Variants in ITPRID1 observed in about 807,000 individuals in gnomAD.
ITPRID1 encodes protein ITPRID1.
Under a neutral mutation model 95.4 loss-of-function variants are expected in ITPRID1, and 96 were observed. That is an observed-to-expected ratio of 1.01 (90% CI 0.85 to 1.19). The LOEUF (loss-of-function observed/expected upper bound fraction) is 1.19. ITPRID1 is among the 50% of genes most tolerant of loss of function. ITPRID1 has a pLI of 0.00. For synonymous variants in ITPRID1, 510 were observed against 453.6 expected (o/e 1.12, Z -1.58); for missense variants, 1,339 against 1,252.9 (o/e 1.07, Z -1.04).
At chr7:31,587,937 A>G (rs1785690231) in intron 10 of ITPRID1, among the ~76,000 whole-genome samples, 1 of 152,164 alleles carries the variant, frequency 6.6e-6, no homozygotes. Context: ...GGCTAGCCAT[A>G]TGTAGAAAGC....
At chr7:31,557,792 G>T (rs1234044248) in intron 5 of ITPRID1, among the ~76,000 whole-genome samples, 1 of 152,120 alleles carries the variant, frequency 6.6e-6, no homozygotes, top group Non-Finnish European at 1.5e-5. Flanking sequence ...GTAGGTATTG[G>T]AGTTGAGATT....
chr7:31,557,189 G>C (rs1784476052), intron 5 of ITPRID1, among the ~76,000 whole-genome samples: 1 of 152,058 alleles, frequency 6.6e-6, no homozygotes, highest in Non-Finnish European at 1.5e-5. Context: ...TGAGATTCCA[G>C]GTGGACATGA....
intron 10 of ITPRID1, among the ~76,000 whole-genome samples, chr7:31,617,266 A>AAAATGACAGAT (rs1611054): frequency 6.6e-6 from 1 of 152,078 alleles, no homozygotes; most frequent in Non-Finnish European, 1.5e-5. Context: ...CAACAATTTA[A>AAAATGACAGAT]CTTTGCAAAG....
chr7:31,575,534 A>G (rs114959884), intron 8 of ITPRID1, among the ~76,000 whole-genome samples: 1,959 of 152,250 alleles, frequency 0.013, 41 homozygotes, highest in African/African-American at 0.044. Flanking sequence ...TAATAGGTTT[A>G]TTTACTGCAG....
chr7:31,606,082 A>T lies in ITPRID1; in HGVS notation c.1228+22891A>T, dbSNP rs546189814. On this transcript the variant is annotated intron_variant, in intron 10 of 14. Coordinates refer to ENST00000615280, the MANE Select transcript of ITPRID1 (RefSeq NM_001257967.3). ...TATTCTATGTTCATTAAATTTCATT[A>T]AAATGTATAGAGTTGGTCTAAGGGA... Among the ~76,000 whole-genome samples the T allele has an allele frequency of 5.9e-5, 9 of 152,234 alleles. No homozygotes were observed. In the East Asian group the frequency reaches 1.7e-3, roughly 29 times the overall value.
intron 6 of ITPRID1, 61 bp downstream of exon 6, chr7:31,569,870 A>C (rs1226785718): frequency 7.1e-7 from 1 of 1,399,318 alleles, no homozygotes; most frequent in African/African-American, 1.4e-5. Context: ...TTTGCTGAAT[A>C]AAATAGAAGT....
Position 31,574,758 on chromosome 7 carries a change from G to A in ITPRID1, c.598+16G>A, listed in dbSNP as rs1785120156. On this transcript the variant is annotated intron_variant, in intron 8 of 14. Transcript: ENST00000615280. ...AACTTGTACGGTAAGCGAGGTGCCT[G>A]TGGCATTCGCATCTCAGCATTGGGA... is the stretch of plus-strand genomic sequence containing the variant. 1.2e-6 allele frequency: 2 copies of A among 1,612,354 alleles called. No individual in the cohort carries two copies. The highest frequency in any genetic ancestry group is 8.5e-7 in the Non-Finnish European group (1 of 1,178,776).
intron 10 of ITPRID1, among the ~76,000 whole-genome samples, chr7:31,591,557 A>G (rs916674931): frequency 1.3e-5 from 2 of 152,210 alleles, no homozygotes; most frequent in Non-Finnish European, 1.5e-5. Context: ...AAAACTGGTG[A>G]AAAGTGTAGG....
At chr7:31,625,842 A>G (rs1260890317) in intron 10 of ITPRID1, among the ~76,000 whole-genome samples, 1 of 151,718 alleles carries the variant, frequency 6.6e-6, no homozygotes, top group Non-Finnish European at 1.5e-5. Context: ...TTTTTTCTTT[A>G]TAAAGCTATT....
intron 10 of ITPRID1, among the ~76,000 whole-genome samples, chr7:31,622,342 A>T (rs1293925573): frequency 2.6e-5 from 4 of 152,176 alleles, no homozygotes; most frequent in East Asian, 1.9e-4. Flanking sequence ...TCAAAAATTG[A>T]CCAGATAGTT....
intron 10 of ITPRID1, among the ~76,000 whole-genome samples, chr7:31,615,484 G>C: frequency 6.6e-6 from 1 of 152,224 alleles, no homozygotes; most frequent in Admixed American, 6.5e-5. Flanking sequence ...GACGCATCTT[G>C]AAGTCATTTT....
chr7:31,540,427 A>G (rs1326284856), intron 1 of ITPRID1, among the ~76,000 whole-genome samples: 1 of 152,232 alleles, frequency 6.6e-6, no homozygotes, highest in African/African-American at 2.4e-5. Context: ...CAGAAAAATT[A>G]GAATTTAATT....
chr7:31,583,397 G>C (rs974021444), intron 10 of ITPRID1, among the ~76,000 whole-genome samples: 1 of 152,122 alleles, frequency 6.6e-6, no homozygotes, highest in Admixed American at 6.5e-5. Context: ...AGGCTGAGAC[G>C]TGGGGATCGC....
chr7:31,519,419 C>G (rs1253781347), intron 1 of ITPRID1, among the ~76,000 whole-genome samples: 1 of 151,634 alleles, frequency 6.6e-6, no homozygotes, highest in Non-Finnish European at 1.5e-5. Context: ...GTCAATTATT[C>G]TAAAAATGCA....
Position 31,552,998 on chromosome 7 carries a change from TA to T in ITPRID1, c.-23-2del. 6.2e-7 allele frequency: 1 copy of T among 1,600,368 alleles called. No individual in the cohort carries two copies. The highest frequency in any genetic ancestry group is 8.5e-7 in the Non-Finnish European group (1 of 1,173,428). The stretch of plus-strand genomic sequence containing the variant: ...CTGATTTGTTTGTGTGTGTGTGTTT[TA>T]AGTTAGTTTGCAGAATTACTCTCCT... On this transcript the variant is annotated splice_polypyrimidine_tract_variant and splice_region_variant and intron_variant, in intron 2 of 14. Transcript: ENST00000615280.
At chr7:31,641,562 C>T (rs553311139) in intron 10 of ITPRID1, among the ~76,000 whole-genome samples, 20 of 152,272 alleles carry the variant, frequency 1.3e-4, no homozygotes, top group Middle Eastern at 3.4e-3. Flanking sequence ...TTAATATTTA[C>T]GTAAGAATCT....
intron 10 of ITPRID1, among the ~76,000 whole-genome samples, chr7:31,610,531 C>A: frequency 6.6e-6 from 1 of 151,362 alleles, no homozygotes; most frequent in Non-Finnish European, 1.5e-5. Context: ...TTGTTTCATC[C>A]ATTATTGAAA....
At chr7:31,658,352 CA>C, downstream of ITPRID1, 2 of 1,518,946 alleles carry the variant, frequency 1.3e-6, no homozygotes, top group Non-Finnish European at 1.8e-6. Context: ...AAAATAAAAT[CA>C]AAAGACTTTC....
Position 31,636,242 on chromosome 7 carries a change from G to A in ITPRID1, c.1229-5934G>A, listed in dbSNP as rs144027605. Among the ~76,000 whole-genome samples, 339 of 152,218 alleles carry A rather than the reference G, an allele frequency of 2.2e-3. 2 individuals carry two copies. The highest frequency in any genetic ancestry group is 7.7e-3 in the African/African-American group (320 of 41,508). On this transcript the variant is annotated intron_variant, in intron 10 of 14. Transcript: ENST00000615280. ...CAATTCAAGATGAAATTTGGGTGGG[G>A]ACACAGCTATGCCATATCAACCAGA...
Sources: allele counts gnomAD v4.1 joint callset (sites outside exome capture counted in the v4.1 genomes callset), GRCh38; gene constraint gnomAD v4.1.1; transcripts MANE v1.5; gene names NCBI Gene and HGNC (gene_info 2026-07-23, HGNC 2026-07-21).